FAM184A: variants seen among roughly 807,000 people sequenced by gnomAD.
FAM184A encodes the protein family with sequence similarity 184 member A.
A neutral mutation model predicts 143.8 loss-of-function variants in FAM184A; 99 were observed. The observed-to-expected ratio is 0.69, with a 90% confidence interval of 0.58 to 0.81. FAM184A has a LOEUF of 0.81. Ranked by LOEUF, FAM184A falls within the 40% of genes least tolerant of loss-of-function variation. FAM184A has a pLI of 0.00. For missense variants in FAM184A, 1,217 were observed against 1,310.5 expected (o/e 0.93, Z 1.10); for synonymous variants, 427 against 446.4 (o/e 0.96, Z 0.55).
Position 118,974,558 on chromosome 6 carries a change from A to G in FAM184A, c.2785T>C (p.Leu929=). 2 of 1,602,618 alleles carry G rather than the reference A, an allele frequency of 1.2e-6. No homozygotes were observed. Among genetic ancestry groups the G allele is most frequent in the Non-Finnish European group, 1.7e-6 (2 of 1,175,912 alleles). Residue 929 remains leucine (L), a synonymous_variant, in exon 14 of 18, where the codon TTA becomes CTA. Transcript: ENST00000338891. ...AACTCTTTTTCAAGTCTCTTGTTTA[A>G]ATCTTGTTCATGCAACCTGTTTGAT... ...NQQIRLHEQD[L]NKRLEKELDV... is the part of the protein sequence containing the mutation.
At position 119,062,884 on chromosome 6, in the gene FAM184A, T is replaced by C. The variant is rs576388812; in HGVS notation, c.159+15257A>G. ...GCAAGCTCCTGAAGCTTGACTTGTG[T>C]CCCCAAGAGTACATATAGGAATAAA... On this transcript the variant is annotated intron_variant, in intron 1 of 17. Transcript: ENST00000338891. 8.5e-5 allele frequency among the ~76,000 whole-genome samples: 13 copies of C among 152,268 alleles called. 1 individual carries two copies. Among genetic ancestry groups the C allele is most frequent in the Admixed American group, 4.6e-4 (7 of 15,300 alleles).
intron 1 of FAM184A, among the ~76,000 whole-genome samples, chr6:119,033,639 C>A (rs1288663108): frequency 7.1e-6 from 1 of 140,558 alleles, no homozygotes; most frequent in Admixed American, 7.3e-5. Flanking sequence ...CACTCCAGCC[C>A]GGACGACAGA....
intron 9 of FAM184A, among the ~76,000 whole-genome samples, chr6:118,991,127 T>A (rs915792448): frequency 6.6e-6 from 1 of 151,754 alleles, no homozygotes; most frequent in Non-Finnish European, 1.5e-5. Context: ...AGATATTGAG[T>A]TGATGGTAAG....
At chr6:118,960,916 A>G in intron 17 of FAM184A, 4 of 948,286 alleles carry the variant, frequency 4.2e-6, no homozygotes, top group Non-Finnish European at 6.0e-6. Context: ...ATTTAGCAGG[A>G]GACAAATTCA....
intron 1 of FAM184A, among the ~76,000 whole-genome samples, chr6:119,112,645 A>G (rs910205091): frequency 1.3e-5 from 2 of 152,180 alleles, no homozygotes; most frequent in African/African-American, 4.8e-5. Context: ...ATTACCTGTT[A>G]TACCCTGAAG....
chr6:118,995,854 G>A (rs539256821), intron 9 of FAM184A, among the ~76,000 whole-genome samples: 2 of 152,308 alleles, frequency 1.3e-5, no homozygotes, highest in South Asian at 2.1e-4. Flanking sequence ...CTGTCTAAAT[G>A]TTCTTAAGCA....
At chr6:119,034,785 AGGGCACATTTCATCAGT>A (rs1786048383) in intron 1 of FAM184A, among the ~76,000 whole-genome samples, 1 of 152,162 alleles carries the variant, frequency 6.6e-6, no homozygotes, top group African/African-American at 2.4e-5. Context: ...ATACATTATC[AGGGCACATTTCATCAGT>A]GGGCTTTTCC....
chr6:119,034,585 AAAC>A (rs1287294440), intron 1 of FAM184A, among the ~76,000 whole-genome samples: 1 of 150,406 alleles, frequency 6.6e-6, no homozygotes, highest in Non-Finnish European at 1.5e-5. Context: ...TTTTTTAAAA[AAAC>A]CTTTGCTTTT....
In FAM184A at chr6:118,964,696, T is replaced by C. The variant is rs777536474; in HGVS notation, c.3109A>G (p.Thr1037Ala). Residue 1037 changes from threonine (T) to alanine (A), a missense_variant, in exon 16 of 18, where the codon ACT becomes GCT. Physicochemically the swap from Thr to Ala is moderately conservative, Grantham distance 58. Coordinates refer to ENST00000338891, the MANE Select transcript of FAM184A (RefSeq NM_024581.6). The part of the protein sequence containing the change: ...NFNKVFNSSP[T>A]VGVINPLAKQ... Reference sequence around the variant, plus strand: ...GCCAATGGATTAATAACACCAACAGTAGGACTTGAGTTAAACACTTTGTTG... The same window carrying C: ...GCCAATGGATTAATAACACCAACAGCAGGACTTGAGTTAAACACTTTGTTG... 36 of 1,605,900 alleles carry C rather than the reference T, an allele frequency of 2.2e-5. No individual in the cohort carries two copies. Among genetic ancestry groups the C allele is most frequent in the African/African-American group, 9.4e-5 (7 of 74,724 alleles).
chr6:118,995,524 A>C (rs1288559961), intron 9 of FAM184A, among the ~76,000 whole-genome samples: 1 of 152,250 alleles, frequency 6.6e-6, no homozygotes, highest in Non-Finnish European at 1.5e-5. Flanking sequence ...CAAGTATACT[A>C]ATATCTAGAG....
At position 118,975,920 on chromosome 6, in the gene FAM184A, T is replaced by C; in HGVS notation, c.2580A>G (p.Arg860=). The C allele has an allele frequency of 6.2e-7, 1 of 1,612,340 alleles. No homozygotes were observed. Among genetic ancestry groups the C allele is most frequent in the Non-Finnish European group, 8.5e-7 (1 of 1,179,724 alleles). Residue 860 remains arginine, a synonymous_variant, in exon 12 of 18, where the codon AGA becomes AGG. Transcript: ENST00000338891. ...AGTACAGAATACTCTTACTTACCTG[T>C]CTTCTGCTGATGTCTATGCTTCTCT... is the stretch of plus-strand genomic sequence containing the variant. ...ELERSIDISR[R]QSKEHICRIT...
At chr6:118,972,137 A>G (rs1412912928) in intron 14 of FAM184A, among the ~76,000 whole-genome samples, 1 of 152,250 alleles carries the variant, frequency 6.6e-6, no homozygotes, top group Admixed American at 6.5e-5. Flanking sequence ...CATTCAGCAG[A>G]TCCAAGCAGG....
chr6:119,014,189 G>T (rs1197118754), intron 5 of FAM184A, among the ~76,000 whole-genome samples: 1 of 152,250 alleles, frequency 6.6e-6, no homozygotes, highest in East Asian at 1.9e-4. Flanking sequence ...AAACATTACT[G>T]TAGTATGTGG....
At chr6:119,100,785 C>T (rs867481252) in intron 1 of FAM184A, among the ~76,000 whole-genome samples, 8 of 151,924 alleles carry the variant, frequency 5.3e-5, no homozygotes, top group Non-Finnish European at 8.8e-5. Flanking sequence ...GTCGAAACCT[C>T]GTCTCTACTA....
chr6:119,044,604 A>T (rs1562486629), intron 1 of FAM184A, among the ~76,000 whole-genome samples: 2 of 151,650 alleles, frequency 1.3e-5, no homozygotes, highest in African/African-American at 4.8e-5. Flanking sequence ...AAAAAAAAAA[A>T]GATCAACACA....
At position 119,006,506 on chromosome 6, in the gene FAM184A, C is replaced by T; in HGVS notation, c.1756G>A (p.Glu586Lys). 1 of 1,614,062 alleles carries T rather than the reference C, an allele frequency of 6.2e-7. No individual in the cohort carries two copies. Among genetic ancestry groups the T allele is most frequent in the South Asian group, 1.1e-5 (1 of 91,072 alleles). ...AGGCTGTCTTTAGTCAAGTCAAGCTCATTCTGAAGCCTTTCCTGGGAGTCC... is the reference window on the plus strand; with the variant it reads ...AGGCTGTCTTTAGTCAAGTCAAGCTTATTCTGAAGCCTTTCCTGGGAGTCC... The part of the protein sequence containing the change: ...LQDSQERLQN[E>K]LDLTKDSLKE... The change falls in exon 7 of 18, where the codon GAG (glutamate) becomes AAG (lysine). Residue 586 changes from glutamate to lysine, a missense_variant. By Grantham distance (56) the Glu-to-Lys change is moderately conservative (BLOSUM62 1). Coordinates refer to ENST00000338891, the MANE Select transcript of FAM184A (RefSeq NM_024581.6).
At chr6:119,143,180 C>T (rs904024308) in intron 1 of FAM184A, among the ~76,000 whole-genome samples, 1 of 152,166 alleles carries the variant, frequency 6.6e-6, no homozygotes, top group Non-Finnish European at 1.5e-5. Flanking sequence ...CTCTAGGAAG[C>T]TAATACCATG....
At chr6:119,063,665 T>A (rs1787339792) in intron 1 of FAM184A, among the ~76,000 whole-genome samples, 1 of 152,144 alleles carries the variant, frequency 6.6e-6, no homozygotes, top group Non-Finnish European at 1.5e-5. Flanking sequence ...ATGGCAAGGA[T>A]GAAATTAAAC....
Position 119,007,037 on chromosome 6 carries a change from T to G in FAM184A, c.1654-429A>C, listed in dbSNP as rs559055999. On this transcript the variant is annotated intron_variant, in intron 6 of 17. Transcript: ENST00000338891. ...CCTGCTATTTGCAAAGGGGATAAAT[T>G]TAGGTCAATATTGATAAGCTGGTAA... 6.3e-4 allele frequency among the ~76,000 whole-genome samples: 96 copies of G among 152,160 alleles called. 1 individual carries two copies. Among genetic ancestry groups the G allele is most frequent in the Non-Finnish European group, 2.5e-4 (17 of 68,000 alleles).
Sources: gnomAD v4.1 joint callset for allele counts (sites outside exome capture counted in the v4.1 genomes callset) on GRCh38, gnomAD v4.1.1 for gene constraint, MANE v1.5 for transcripts, NCBI Gene and HGNC (gene_info 2026-07-23, HGNC 2026-07-21) for gene names.